The following DDX5 variants were observed in gnomAD, a reference collection of about 807,000 sequenced individuals.
DDX5 encodes the protein DEAD-box helicase 5.
DDX5 carries 6 observed loss-of-function variants against 68.6 expected under a neutral mutation model. That is an observed-to-expected ratio of 0.09 (90% CI 0.05 to 0.17). The LOEUF (loss-of-function observed/expected upper bound fraction) is 0.17. DDX5 is among the 10% of genes least tolerant of loss of function. The probability of loss-of-function intolerance (pLI) is 1.00; values close to 1 mark genes in which losing one functional copy is unlikely to be tolerated. For missense variants in DDX5, 499 were observed against 756.1 expected, an observed-to-expected ratio of 0.66 and a Z score of 3.99; for synonymous variants, 350 against 247.0, an observed-to-expected ratio of 1.42 and a Z score of -3.91.
In DDX5 at chr17:64,499,353, C is replaced by T. The variant is rs1197721236; in HGVS notation, c.*570G>A. ...AGGAAAAAGGCTATTAAATGACTCC[C>T]CTGATGCTGGAAGCTGACAAAGCTT... On this transcript the variant is annotated 3_prime_UTR_variant, in exon 13 of 13. Transcript: ENST00000225792. 6.6e-6 allele frequency among the ~76,000 whole-genome samples: 1 copy of T among 152,020 alleles called. No homozygotes were observed. Among genetic ancestry groups the T allele is most frequent in the Non-Finnish European group, 1.5e-5 (1 of 67,990 alleles).
In DDX5 at chr17:64,500,339, C is replaced by G. The variant is rs972508869; in HGVS notation, c.1442-13G>C. ...CCCCTGGAACGACCTGTCAAGAAAA[C>G]AATTGCAAATTGATCAATTATGTCT... On this transcript the variant is annotated splice_polypyrimidine_tract_variant and intron_variant, in intron 12 of 12. Coordinates refer to ENST00000225792, the MANE Select transcript of DDX5 (RefSeq NM_004396.5). 5 of 1,592,652 alleles carry G rather than the reference C, an allele frequency of 3.1e-6. No homozygotes were observed. Among genetic ancestry groups the G allele is most frequent in the African/African-American group, 1.4e-5 (1 of 74,020 alleles).
At chr17:64,505,199 A>G (rs2038417358) in intron 1 of DDX5, 1 of 265,970 alleles carries the variant, frequency 3.8e-6, no homozygotes, top group Non-Finnish European at 7.1e-6. Context: ...CACTATCAGC[A>G]ATAACAAGGC....
At position 64,503,265 on chromosome 17, in the gene DDX5, G is replaced by A. The variant is rs1358217908; in HGVS notation, c.733C>T (p.Leu245Phe). ...GKTNLRRTTY[L>F]VLDEADRMLD... ...ATTCTATCTGCTTCATCAAGGACAA[G>A]GTAGGTTGTTCTTCTCAGATTGGTT... The change falls in exon 7 of 13, where the codon CTT becomes TTT. Residue 245 changes from leucine to phenylalanine, a missense_variant. Leu to Phe is a conservative substitution (Grantham distance 22). Around this residue, in one of 5 missense-constraint regions of DDX5, gnomAD observed 141 missense variants for 279.8 expected, o/e 0.50. Coordinates refer to ENST00000225792, the MANE Select transcript of DDX5 (RefSeq NM_004396.5). 1.2e-6 allele frequency: 2 copies of A among 1,614,006 alleles called. No individual in the cohort carries two copies. Among genetic ancestry groups the A allele is most frequent in the Non-Finnish European group, 1.7e-6 (2 of 1,180,012 alleles).
chr17:64,503,125 G>GTATCAGAC, intron 7 of DDX5, 27 bp from the exon 8 acceptor site: 1 of 1,611,592 alleles, frequency 6.2e-7, no homozygotes, highest in Non-Finnish European at 8.5e-7. Flanking sequence ...GGAAAAATTA[G>GTATCAGAC]TATCAGACTC....
intron 11 of DDX5, 71 bp downstream of exon 11, chr17:64,501,936 CAAT>C: frequency 6.9e-7 from 1 of 1,450,774 alleles, no homozygotes; most frequent in Non-Finnish European, 9.6e-7. Flanking sequence ...TTAAAGAAAG[CAAT>C]AAACTTTCTT....
At chr17:64,505,624 A>C (rs998798658) in intron 1 of DDX5, 6 of 1,061,664 alleles carry the variant, frequency 5.7e-6, no homozygotes, top group Non-Finnish European at 7.0e-6. Context: ...TGTACTCGCG[A>C]CTCAGCCACA....
intron 1 of DDX5, chr17:64,505,648 C>A (rs558364988): frequency 1.6e-6 from 2 of 1,289,036 alleles, no homozygotes; most frequent in South Asian, 1.3e-5. Flanking sequence ...CTGATGCCGG[C>A]CGCCCTCCTA....
chr17:64,502,750 A>G (rs2038331258), intron 8 of DDX5, 176 bp downstream of exon 8: 1 of 750,892 alleles, frequency 1.3e-6, no homozygotes, highest in Non-Finnish European at 2.1e-6. Flanking sequence ...TCTATAGGAA[A>G]GCTATAAATG....
At chr17:64,502,321 G>A (rs782684539) in intron 9 of DDX5, 98 bp from the exon 10 acceptor site, 82 of 1,491,064 alleles carry the variant, frequency 5.5e-5, no homozygotes, top group Non-Finnish European at 7.4e-5. Flanking sequence ...AATTTCGCCA[G>A]AAATGAAAAA....
Position 64,502,942 on chromosome 17 carries a change from C to T in DDX5, c.967G>A (p.Val323Ile), listed in dbSNP as rs574865633. The T allele has an allele frequency of 3.6e-5, 57 of 1,592,270 alleles. No individual in the cohort carries two copies. Among genetic ancestry groups the T allele is most frequent in the Non-Finnish European group, 4.4e-5 (52 of 1,168,798 alleles). Residue 323 changes from valine to isoleucine, a missense_variant, in exon 8 of 13, where the codon GTA becomes ATA. This residue lies in a region of DDX5 where 141 missense variants were observed against 279.8 expected (regional missense o/e 0.50). Transcript: ENST00000225792. ...AAAACTTACTTTTCATCCTTTTCTA[C>T]GTCATGACACACATCCACAATCTGA... ...ILQIVDVCHD[V>I]EKDEKLIRLM...
rs563249220 is a variant in DDX5 at position 64,498,767 on chromosome 17, G to A, written c.*1156C>T. On this transcript the variant is annotated 3_prime_UTR_variant, in exon 13 of 13. Transcript: ENST00000225792. ...ACTTCTAGCTATTACTGAAATAAAT[G>A]ATTAGAAAGTTACGTTGGTGAGCCG... Among the ~76,000 whole-genome samples, 2 of 152,174 alleles carry A rather than the reference G, an allele frequency of 1.3e-5. No individual in the cohort carries two copies. Among genetic ancestry groups the A allele is most frequent in the Admixed American group, 1.3e-4 (2 of 15,282 alleles).
chr17:64,505,874 C>G, intron 1 of DDX5: 2 of 1,536,044 alleles, frequency 1.3e-6, no homozygotes, highest in Non-Finnish European at 1.7e-6. Context: ...ACACAAAAAG[C>G]AAGCTTGAAG....
Position 64,500,641 on chromosome 17 carries a change from A to G in DDX5, c.1349T>C (p.Ile450Thr). ...AGAGATAAGGTCGCTCACTTGCTTT[A>G]TGTTATTAGGTGTAAAGAAAGTGTA... Reference protein sequence around the residue: ...TAYTFFTPNNIKQVSDLISVL... With the variant: ...TAYTFFTPNNTKQVSDLISVL... Residue 450 changes from isoleucine (I) to threonine (T), a missense_variant, in exon 12 of 13, where the codon ATA becomes ACA. Coordinates refer to ENST00000225792, the MANE Select transcript of DDX5 (RefSeq NM_004396.5). The G allele has an allele frequency of 6.2e-7, 1 of 1,614,194 alleles. No individual in the cohort carries two copies. The highest frequency in any genetic ancestry group is 8.5e-7 in the Non-Finnish European group (1 of 1,180,022).
intron 1 of DDX5, chr17:64,505,736 A>G: frequency 6.5e-7 from 1 of 1,536,034 alleles, no homozygotes. Flanking sequence ...CACCTCCCGA[A>G]ACGCCGCACC....
chr17:64,500,357 T>C, intron 12 of DDX5, 31 bp from the exon 13 acceptor site: 1 of 1,582,610 alleles, frequency 6.3e-7, no homozygotes. Flanking sequence ...AATTGATCAA[T>C]TATGTCTATG....
At chr17:64,505,805 CCT>C in intron 1 of DDX5, 2 of 1,536,146 alleles carry the variant, frequency 1.3e-6, no homozygotes, top group East Asian at 2.4e-5. Flanking sequence ...CAATACGCTC[CCT>C]CTCAACTCCC....
Position 64,506,253 on chromosome 17 carries a change from A to G in DDX5, c.-134T>C, listed in dbSNP as rs2038514889. On this transcript the variant is annotated 5_prime_UTR_variant, in exon 1 of 13. Transcript: ENST00000225792. ...GAAGGACACCGATGACACCAGCCGA[A>G]GCTGCACTACTAGAGACCGGTAGAA... is the stretch of plus-strand genomic sequence containing the variant. The G allele has an allele frequency of 1.0e-5, 16 of 1,547,302 alleles. No homozygotes were observed. The South Asian group carries it at 1.7e-4, about 16-fold the overall frequency.
chr17:64,506,637 A>G (rs1328902752), upstream of DDX5: 4 of 366,118 alleles, frequency 1.1e-5, no homozygotes, highest in Admixed American at 4.4e-5. Flanking sequence ...TAACCAAAAG[A>G]GGGGGAAGGC....
At chr17:64,505,866 A>C in intron 1 of DDX5, 3 of 1,535,996 alleles carry the variant, frequency 2.0e-6, no homozygotes, top group Non-Finnish European at 2.6e-6. Context: ...CAATCCCCAC[A>C]CAAAAAGCAA....
Sources: allele counts gnomAD v4.1 joint callset (sites outside exome capture counted in the v4.1 genomes callset), GRCh38; gene constraint gnomAD v4.1.1; regional missense constraint gnomAD v4.1.1; transcripts MANE v1.5; gene names NCBI Gene and HGNC (gene_info 2026-07-23, HGNC 2026-07-21).